Variants in ITGAE observed in about 807,000 individuals in gnomAD.
The protein encoded by ITGAE is integrin subunit alpha E, also known as integrin alpha-E.
Under a neutral mutation model 136.5 loss-of-function variants are expected in ITGAE, and 99 were observed. The observed-to-expected ratio is 0.73, with a 90% CI of 0.62 to 0.86. The LOEUF (loss-of-function observed/expected upper bound fraction) is 0.86, where lower values mean the gene tolerates loss of function less well. ITGAE is among the 40% of genes least tolerant of loss of function. The pLI, the probability that ITGAE is intolerant of heterozygous loss-of-function variation, is 0.00. For missense variants in ITGAE, 1,447 were observed against 1,515.3 expected, an observed-to-expected ratio of 0.95 and a Z score of 0.75; for synonymous variants, 613 against 591.8, an observed-to-expected ratio of 1.04 and a Z score of -0.52.
chr17:3,739,959 A>G (rs1331948927), intron 19 of ITGAE, 81 bp from the exon 20 acceptor site: 2 of 1,181,736 alleles, frequency 1.7e-6, no homozygotes, highest in African/African-American at 3.0e-5. Context: ...TCCTTATAGG[A>G]AGTTTTGGGC....
At chr17:3,755,394 T>C in intron 11 of ITGAE, 133 bp from the exon 12 acceptor site, 8 of 1,049,480 alleles carry the variant, frequency 7.6e-6, no homozygotes, top group Non-Finnish European at 1.1e-5. Flanking sequence ...AGTGCCCGCC[T>C]GGCCAGAGAT....
chr17:3,797,155 ATATTTTTTTTTT>A (rs2053128182), intron 1 of ITGAE, among the ~76,000 whole-genome samples: 1 of 24,032 alleles, frequency 4.2e-5, no homozygotes, highest in African/African-American at 1.5e-4. Flanking sequence ...ATATATATAT[ATATTTTTTTTTT>A]TTTTTTTTTT....
rs528872723 is a variant in ITGAE, at chr17:3,787,967, GT to G, written c.35-10308del. On this transcript the variant is annotated intron_variant, in intron 1 of 30. Coordinates refer to ENST00000263087, the MANE Select transcript of ITGAE (RefSeq NM_002208.5). ...GCCTCCCAAAGTGCTGGGATTACAG[GT>G]GTGAGCCACCACACCTGGTTTTAAT... Among the ~76,000 whole-genome samples the G allele has an allele frequency of 1.0e-3, 158 of 152,244 alleles. 2 individuals carry two copies. Among genetic ancestry groups the G allele is most frequent in the Admixed American group, 6.5e-3 (99 of 15,286 alleles).
chr17:3,784,113 A>G (rs1285961776), intron 1 of ITGAE, among the ~76,000 whole-genome samples: 1 of 151,986 alleles, frequency 6.6e-6, no homozygotes, highest in East Asian at 2.0e-4. Flanking sequence ...ACAAAAAATT[A>G]GCCGGGCGTG....
intron 22 of ITGAE, among the ~76,000 whole-genome samples, chr17:3,731,963 C>G (rs1330428405): frequency 1.3e-5 from 2 of 152,040 alleles, no homozygotes; most frequent in African/African-American, 4.8e-5. Context: ...GTAATCCCAG[C>G]TACTCAGGAG....
intron 26 of ITGAE, among the ~76,000 whole-genome samples, chr17:3,727,681 G>A (rs2051246381): frequency 6.6e-6 from 1 of 152,186 alleles, no homozygotes; most frequent in Non-Finnish European, 1.5e-5. Context: ...TTACAGGTGT[G>A]AGCCACCGCA....
intron 2 of ITGAE, among the ~76,000 whole-genome samples, chr17:3,765,242 G>T (rs935884483): frequency 5.3e-5 from 8 of 150,612 alleles, no homozygotes; most frequent in Non-Finnish European, 8.9e-5. Flanking sequence ...CCAGCTACTC[G>T]GGAGCCTGAG....
At chr17:3,777,918 C>T (rs759696942) in intron 1 of ITGAE, among the ~76,000 whole-genome samples, 1 of 152,142 alleles carries the variant, frequency 6.6e-6, no homozygotes, top group Non-Finnish European at 1.5e-5. Flanking sequence ...CAAAGAAGCA[C>T]TTCCCACCTC....
At chr17:3,723,823 G>C (rs1181107725) in intron 26 of ITGAE, 79 bp from the exon 27 acceptor site, 25 of 1,561,758 alleles carry the variant, frequency 1.6e-5, no homozygotes, top group Non-Finnish European at 2.2e-5. Flanking sequence ...CCCGGCCCTG[G>C]CGAGGTGCGC....
intron 7 of ITGAE, 103 bp from the exon 8 acceptor site, chr17:3,759,656 T>C (rs569548896): frequency 6.6e-6 from 9 of 1,362,692 alleles, no homozygotes; most frequent in Middle Eastern, 1.9e-4. Context: ...CCTTCTACCT[T>C]ATCCCTGGGC....
chr17:3,727,300 A>C (rs1290240859), intron 26 of ITGAE, among the ~76,000 whole-genome samples: 1 of 152,204 alleles, frequency 6.6e-6, no homozygotes, highest in East Asian at 1.9e-4. Context: ...TATAGGGGGC[A>C]GTGTAAGAAA....
At chr17:3,720,495 G>A (rs1018703565) in intron 28 of ITGAE, 93 bp from the exon 29 acceptor site, 1 of 661,892 alleles carries the variant, frequency 1.5e-6, no homozygotes, top group African/African-American at 1.8e-5. Context: ...TCCCTTTAAA[G>A]GTATTCCTGG....
At chr17:3,733,110 A>G (rs2051383463) in intron 21 of ITGAE, among the ~76,000 whole-genome samples, 1 of 151,988 alleles carries the variant, frequency 6.6e-6, no homozygotes, top group Non-Finnish European at 1.5e-5. Context: ...CAGTCTCCCA[A>G]GTAGCTGGGA....
chr17:3,785,494 A>AGGAG (rs2052764296), intron 1 of ITGAE, among the ~76,000 whole-genome samples: 1 of 116,892 alleles, frequency 8.6e-6, no homozygotes, highest in South Asian at 3.0e-4. Flanking sequence ...GAAGGAAGGA[A>AGGAG]GGAGGAAGGA....
At chr17:3,759,366 CA>C in intron 8 of ITGAE, 35 bp downstream of exon 8, 1 of 1,601,392 alleles carries the variant, frequency 6.2e-7, no homozygotes, top group South Asian at 1.1e-5. Flanking sequence ...AGACTCTGGG[CA>C]TGGCCAGAAT....
In ITGAE at chr17:3,761,062, C is replaced by G; in HGVS notation, c.549G>C (p.Glu183Asp). 6.2e-7 allele frequency: 1 copy of G among 1,609,718 alleles called. No homozygotes were observed. Among genetic ancestry groups the G allele is most frequent in the Non-Finnish European group, 8.5e-7 (1 of 1,179,970 alleles). ...TARQRRALEK[E>D]EEEDKEEEED... is the part of the protein sequence containing the mutation. ...CCTCCTCCTCCTTGTCTTCCTCCTC[C>G]TCCTTCTCCAGAGCCCGGCGCTGCC... The change falls in exon 6 of 31, where the codon GAG becomes GAC. Residue 183 changes from glutamate to aspartate, a missense_variant. Glu to Asp is a conservative substitution (Grantham distance 45, BLOSUM62 2). Around this residue, in one of 3 missense-constraint regions of ITGAE, gnomAD observed 310 missense variants for 416.1 expected, o/e 0.74. Transcript: ENST00000263087.
chr17:3,733,116 T>A (rs575811702), intron 21 of ITGAE, among the ~76,000 whole-genome samples: 1 of 152,060 alleles, frequency 6.6e-6, no homozygotes, highest in Admixed American at 6.6e-5. Flanking sequence ...CCCAAGTAGC[T>A]GGGATTATAG....
At chr17:3,759,295 A>C (rs933575635) in intron 8 of ITGAE, 107 bp downstream of exon 8, 10 of 1,284,838 alleles carry the variant, frequency 7.8e-6, no homozygotes, top group Middle Eastern at 3.8e-4. Flanking sequence ...GAAAGGCTGG[A>C]GCCCTAATTC....
chr17:3,772,710 C>T (rs1384832103), intron 2 of ITGAE, among the ~76,000 whole-genome samples: 2 of 152,054 alleles, frequency 1.3e-5, no homozygotes, highest in African/African-American at 4.8e-5. Context: ...ATGATCTGCC[C>T]GCCTCAGCCT....
Sources: gnomAD v4.1 joint callset for allele counts (sites outside exome capture counted in the v4.1 genomes callset) on GRCh38, gnomAD v4.1.1 for gene constraint, gnomAD v4.1.1 regional missense constraint, MANE v1.5 for transcripts, NCBI Gene and HGNC (gene_info 2026-07-23, HGNC 2026-07-21) for gene names.